TAB2: variants seen among roughly 807,000 people sequenced by gnomAD.
TAB2 encodes the protein TGF-beta-activated kinase 1 and MAP3K7-binding protein 2.
In TAB2, 3 loss-of-function variants were observed where a neutral mutation model predicts 65.0. That is an observed-to-expected ratio of 0.05 (90% confidence interval 0.02 to 0.12). The LOEUF is 0.12. Ranked by LOEUF, TAB2 falls within the 10% of genes least tolerant of loss-of-function variation. The pLI is 1.00. For synonymous variants in TAB2, 298 were observed against 285.1 expected (o/e 1.05, Z -0.46); for missense variants, 623 against 840.3 (o/e 0.74, Z 3.20).
chr6:149,389,778 A>C (rs1018532554), intron 3 of TAB2, among the ~76,000 whole-genome samples: 1 of 152,184 alleles, frequency 6.6e-6, no homozygotes, highest in Non-Finnish European at 1.5e-5. Flanking sequence ...TCTGTCTAAA[A>C]TAAAAGTTTT....
chr6:149,363,015 A>T (rs183343963), intron 1 of TAB2, among the ~76,000 whole-genome samples: 2 of 152,306 alleles, frequency 1.3e-5, no homozygotes, highest in Admixed American at 1.3e-4. Context: ...ACAGTTTTTT[A>T]AATTAAAATT....
At chr6:149,267,915 T>C (rs1458723157) in intron 1 of TAB2, among the ~76,000 whole-genome samples, 1 of 152,216 alleles carries the variant, frequency 6.6e-6, no homozygotes, top group Non-Finnish European at 1.5e-5. Flanking sequence ...GTATACGCAG[T>C]CTATTGTTGA....
intron 1 of TAB2, among the ~76,000 whole-genome samples, chr6:149,357,996 C>T (rs576320620): frequency 2.6e-5 from 4 of 152,282 alleles, no homozygotes; most frequent in East Asian, 1.9e-4. Flanking sequence ...CCATCACGCC[C>T]GGCCTTTTCA....
At chr6:149,306,608 C>T (rs1779076939) in intron 1 of TAB2, among the ~76,000 whole-genome samples, 1 of 151,650 alleles carries the variant, frequency 6.6e-6, no homozygotes, top group African/African-American at 2.4e-5. Flanking sequence ...ACAAATTAGC[C>T]GGGTGTAGTG....
Position 149,379,361 on chromosome 6 carries a change from C to T in TAB2, c.1446C>T (p.Ser482=). ...KPPAVSPGVV[S]PTFELTNLLN... is the part of the protein sequence containing the mutation. ...CTGCAGTTTCACCAGGGGTGGTGTC[C>T]CCTACCTTTGAACTTACAAATCTTC... is the stretch of plus-strand genomic sequence containing the variant. Residue 482 remains serine, a synonymous_variant, in exon 3 of 7, where the codon TCC becomes TCT. Transcript: ENST00000637181. 6.2e-7 allele frequency: 1 copy of T among 1,614,120 alleles called. No individual in the cohort carries two copies. Among genetic ancestry groups the T allele is most frequent in the Non-Finnish European group, 8.5e-7 (1 of 1,180,034 alleles).
At chr6:149,237,048 G>A (rs1328544946) in intron 1 of TAB2, among the ~76,000 whole-genome samples, 13 of 152,094 alleles carry the variant, frequency 8.5e-5, no homozygotes, top group South Asian at 4.1e-4. Flanking sequence ...TTTGCATGGC[G>A]ATCCCCTCCG....
rs114921852 is a variant in TAB2, at chr6:149,340,693, A to G, written c.-90+22678A>G. On this transcript the variant is annotated intron_variant, in intron 1 of 6. Coordinates refer to ENST00000637181, the MANE Select transcript of TAB2 (RefSeq NM_001292034.3). ...TATTCATATGAGTTACTGAATGGAAATCCTCAAACTTAAATACCCTTTCCC... is the reference window on the plus strand; with the variant it reads ...TATTCATATGAGTTACTGAATGGAAGTCCTCAAACTTAAATACCCTTTCCC... Among the ~76,000 whole-genome samples, 1,033 of 152,246 alleles carry G rather than the reference A, an allele frequency of 6.8e-3. 9 individuals carry two copies. Among genetic ancestry groups the G allele is most frequent in the African/African-American group, 0.024 (978 of 41,558 alleles).
intron 1 of TAB2, among the ~76,000 whole-genome samples, chr6:149,340,043 T>C (rs1014799879): frequency 6.6e-6 from 1 of 152,242 alleles, no homozygotes; most frequent in African/African-American, 2.4e-5. Context: ...ACTTTATGTT[T>C]TTCTTCTATT....
chr6:149,325,454 A>G (rs1339829220), intron 1 of TAB2, among the ~76,000 whole-genome samples: 1 of 152,206 alleles, frequency 6.6e-6, no homozygotes, highest in African/African-American at 2.4e-5. Flanking sequence ...AATTTACTGT[A>G]ACTCCTTAGA....
At chr6:149,298,259 ATAGTTTTTAAATCAT>A (rs1487556747) in intron 1 of TAB2, among the ~76,000 whole-genome samples, 4 of 151,970 alleles carry the variant, frequency 2.6e-5, no homozygotes, top group African/African-American at 7.3e-5. Flanking sequence ...GAAAAGACAT[ATAGTTTTTAAATCAT>A]TAGAAGAAAA....
At chr6:149,359,850 T>C (rs1317447800) in intron 1 of TAB2, among the ~76,000 whole-genome samples, 1 of 152,206 alleles carries the variant, frequency 6.6e-6, no homozygotes, top group East Asian at 1.9e-4. Flanking sequence ...ACAGAAGAGG[T>C]TCTGAACTAG....
rs925708441 is a variant in TAB2 at position 149,257,889 on chromosome 6, C to T, written c.-121+39113C>T. On this transcript the variant is annotated intron_variant, in intron 1 of 1. Transcript: ENST00000606202. ...GGCTCCATCCAAGCGGACAGATCAA[C>T]GACGGGTACACAGACTGGTCAGGAA... Among the ~76,000 whole-genome samples the T allele has an allele frequency of 5.9e-5, 9 of 152,040 alleles. No homozygotes were observed. In the East Asian group the frequency reaches 7.7e-4, roughly 13 times the overall value.
intron 1 of TAB2, among the ~76,000 whole-genome samples, chr6:149,343,336 T>A (rs1780189368): frequency 6.6e-6 from 1 of 152,088 alleles, no homozygotes; most frequent in African/African-American, 2.4e-5. Context: ...GCAGGCTTGG[T>A]GGCGTGCACC....
At chr6:149,409,483 C>G in intron 6 of TAB2, 94 bp from the exon 7 acceptor site, 3 of 1,140,242 alleles carry the variant, frequency 2.6e-6, no homozygotes. Context: ...CAAGCTGCAT[C>G]AGGCTGTGCA....
intron 2 of TAB2, among the ~76,000 whole-genome samples, chr6:149,374,754 C>G (rs1395241079): frequency 6.6e-6 from 1 of 152,168 alleles, no homozygotes; most frequent in Non-Finnish European, 1.5e-5. Flanking sequence ...CAAACATGGA[C>G]TTCATCACAT....
At chr6:149,394,285 A>T (rs1280611687) in intron 3 of TAB2, among the ~76,000 whole-genome samples, 1 of 151,948 alleles carries the variant, frequency 6.6e-6, no homozygotes, top group Non-Finnish European at 1.5e-5. Flanking sequence ...TGACCCTTTC[A>T]TGATTTCCAC....
At chr6:149,313,461 C>T (rs1024861460), upstream of TAB2, among the ~76,000 whole-genome samples, 18 of 152,176 alleles carry the variant, frequency 1.2e-4, no homozygotes, top group Admixed American at 5.9e-4. Flanking sequence ...TGTGGGCCCT[C>T]GTCACCCTTC....
intron 6 of TAB2, among the ~76,000 whole-genome samples, chr6:149,406,721 A>AT (rs1015364522): frequency 6.6e-6 from 1 of 151,612 alleles, no homozygotes; most frequent in Non-Finnish European, 1.5e-5. Context: ...TTGTTTGTTT[A>AT]TTTTTTATTT....
intron 1 of TAB2, among the ~76,000 whole-genome samples, chr6:149,363,207 A>C (rs1780911100): frequency 6.6e-6 from 1 of 152,148 alleles, no homozygotes; most frequent in African/African-American, 2.4e-5. Context: ...GTGGAGAAGT[A>C]TGGTGTATAT....
Sources: allele counts gnomAD v4.1 joint callset (sites outside exome capture counted in the v4.1 genomes callset), GRCh38; gene constraint gnomAD v4.1.1; transcripts MANE v1.5; gene names NCBI Gene and HGNC (gene_info 2026-07-23, HGNC 2026-07-21).